Variants in USH2A observed in about 807,000 individuals in gnomAD.
USH2A encodes usherin, also known as Usher syndrome 2A (autosomal recessive, mild).
A neutral mutation model predicts 538.9 loss-of-function variants in USH2A; 443 were observed. The observed-to-expected ratio is 0.82, with a 90% CI of 0.76 to 0.89. The LOEUF (loss-of-function observed/expected upper bound fraction) is 0.89. USH2A is among the 40% of genes least tolerant of loss of function. The pLI, the probability that USH2A is intolerant of heterozygous loss-of-function variation, is 0.00. For missense variants in USH2A, 6,633 were observed against 6,324.8 expected, an observed-to-expected ratio of 1.05 and a Z score of -1.65; for synonymous variants, 2,413 against 2,273.5, an observed-to-expected ratio of 1.06 and a Z score of -1.75.
chr1:215,867,245 T>G (rs1458909055), intron 43 of USH2A, 75 bp from the exon 44 acceptor site: 19 of 1,504,834 alleles, frequency 1.3e-5, no homozygotes, highest in Non-Finnish European at 1.6e-5. Flanking sequence ...TTTCTTTTTT[T>G]CTTCACAAAA....
chr1:215,721,784 C>T (rs1246048288), intron 61 of USH2A, among the ~76,000 whole-genome samples: 1 of 152,102 alleles, frequency 6.6e-6, no homozygotes, highest in Non-Finnish European at 1.5e-5. Context: ...AAAAGTTTTG[C>T]CATGGTCAGT....
chr1:216,190,459 A>C (rs1464080687), intron 19 of USH2A, 92 bp from the exon 20 acceptor site: 14 of 1,526,394 alleles, frequency 9.2e-6, no homozygotes, highest in Non-Finnish European at 1.1e-5. Flanking sequence ...CCATGAATTC[A>C]GACAGAGGGA....
intron 56 of USH2A, among the ~76,000 whole-genome samples, chr1:215,763,788 G>T (rs1236317837): frequency 6.6e-6 from 1 of 152,132 alleles, no homozygotes; most frequent in Non-Finnish European, 1.5e-5. Flanking sequence ...GGAGGATCCA[G>T]AGAACTTCTC....
chr1:215,861,377 A>G (rs1235548895), intron 44 of USH2A, among the ~76,000 whole-genome samples: 1 of 152,268 alleles, frequency 6.6e-6, no homozygotes, highest in Non-Finnish European at 1.5e-5. Context: ...TGAGTTAGTT[A>G]GCGAAGCTGG....
At chr1:216,187,934 A>G (rs953572317) in intron 20 of USH2A, among the ~76,000 whole-genome samples, 1 of 151,994 alleles carries the variant, frequency 6.6e-6, no homozygotes, top group East Asian at 1.9e-4. Flanking sequence ...ATTTTGGCTA[A>G]CCATTTTTTT....
intron 44 of USH2A, among the ~76,000 whole-genome samples, chr1:215,852,694 T>C (rs900621467): frequency 6.6e-6 from 1 of 152,152 alleles, no homozygotes; most frequent in African/African-American, 2.4e-5. Context: ...AATACAGCTG[T>C]TCCAAATGGG....
intron 23 of USH2A, among the ~76,000 whole-genome samples, chr1:216,087,438 C>T (rs1186706170): frequency 6.6e-6 from 1 of 152,054 alleles, no homozygotes; most frequent in Non-Finnish European, 1.5e-5. Context: ...CTGCTTCTCC[C>T]ACAGTCATGC....
chr1:215,878,215 G>C (rs1313053375), intron 42 of USH2A, among the ~76,000 whole-genome samples: 1 of 152,058 alleles, frequency 6.6e-6, no homozygotes, highest in Non-Finnish European at 1.5e-5. Context: ...TCAAGTTAAT[G>C]GTTTCCTATG....
chr1:216,323,782 G>C, intron 7 of USH2A, 87 bp from the exon 8 acceptor site: 1 of 1,222,330 alleles, frequency 8.2e-7, no homozygotes, highest in South Asian at 1.2e-5. Flanking sequence ...TTACTACACA[G>C]TATCAATAAA....
intron 56 of USH2A, 96 bp downstream of exon 56, chr1:215,766,585 G>C (rs1332343436): frequency 1.7e-5 from 19 of 1,150,214 alleles, no homozygotes. Flanking sequence ...CAACTTTATT[G>C]CCTCTTCCTT....
At position 215,758,580 on chromosome 1, in the gene USH2A, C is replaced by CT. The variant is rs79494833; in HGVS notation, c.11389+14dup. The CT allele has an allele frequency of 5.6e-3, 7,303 of 1,314,500 alleles. 1 individual carries two copies. Among genetic ancestry groups the CT allele is most frequent in the African/African-American group, 0.01 (701 of 67,322 alleles). 81.4% of individuals were successfully genotyped at this position (1,314,500 alleles called of 1,614,324 possible). Reference sequence around the variant, plus strand: ...TGTTTACACACACACACACATACTTCTTTTTTTTTTTTACCTGGTGGTATC... The same window carrying CT: ...TGTTTACACACACACACACATACTTCTTTTTTTTTTTTTACCTGGTGGTATC... On this transcript the variant is annotated intron_variant, in intron 58 of 71. Transcript: ENST00000307340.
At chr1:215,657,753 G>A (rs1051990153) in intron 64 of USH2A, among the ~76,000 whole-genome samples, 2 of 152,130 alleles carry the variant, frequency 1.3e-5, no homozygotes, top group African/African-American at 4.8e-5. Flanking sequence ...GAGACGTGAA[G>A]CTACTGGAAA....
rs1657920970 is a variant in USH2A at position 215,674,311 on chromosome 1, C to G, written c.13600G>C (p.Gly4534Arg). 5.0e-6 allele frequency: 8 copies of G among 1,613,786 alleles called. No homozygotes were observed. Among genetic ancestry groups the G allele is most frequent in the Non-Finnish European group, 6.8e-6 (8 of 1,179,942 alleles). Reference protein sequence around the residue: ...KDRTSPSAPSGMEPPKLQARG... With the variant: ...KDRTSPSAPSRMEPPKLQARG... The stretch of plus-strand genomic sequence containing the variant: ...GCCTGCAATTTTGGAGGTTCCATCC[C>G]TGAGGGTGCTGAGGGGCTGGTTCGA... Residue 4534 changes from glycine to arginine, a missense_variant, in exon 63 of 72, where the codon GGG becomes CGG. Transcript: ENST00000307340.
At chr1:215,998,786 CTT>C (rs140899702) in intron 34 of USH2A, 99 bp downstream of exon 34, 554 of 1,087,052 alleles carry the variant, frequency 5.1e-4, no homozygotes, top group African/African-American at 8.0e-4. Context: ...AAGATTTTGA[CTT>C]TTTTTTTTTT....
intron 46 of USH2A, among the ~76,000 whole-genome samples, chr1:215,842,775 A>C (rs1015906465): frequency 7.2e-5 from 11 of 152,196 alleles, no homozygotes; most frequent in Admixed American, 7.2e-4. Context: ...ACACATGGAC[A>C]CAGCGAGGGG....
At chr1:215,838,137 C>T in intron 46 of USH2A, 34 bp from the exon 47 acceptor site, 1 of 1,536,066 alleles carries the variant, frequency 6.5e-7, no homozygotes, top group Non-Finnish European at 9.0e-7. Flanking sequence ...ATAAATGCAA[C>T]CATTTTTGAA....
At position 216,421,938 on chromosome 1, in the gene USH2A, C is replaced by A. The variant is rs1393252237; in HGVS notation, c.399G>T (p.Lys133Asn). ...GAGAAGGAGGAGAAGAAAAGCAGCT[C>A]TTGTGATTTCCAAAAATAAAACTTG... The part of the protein sequence containing the change: ...NSASFIFGNH[K>N]SCFSSPPSPK... The change falls in exon 2 of 72, where the codon AAG becomes AAT. Residue 133 changes from lysine to asparagine, a missense_variant. By Grantham distance (94) the Lys-to-Asn change is moderately conservative. Transcript: ENST00000307340. 6.2e-7 allele frequency: 1 copy of A among 1,613,916 alleles called. No individual in the cohort carries two copies. Among genetic ancestry groups the A allele is most frequent in the South Asian group, 1.1e-5 (1 of 91,084 alleles).
At chr1:215,942,728 C>T (rs368527918) in intron 37 of USH2A, among the ~76,000 whole-genome samples, 1 of 152,284 alleles carries the variant, frequency 6.6e-6, no homozygotes, top group East Asian at 1.9e-4. Flanking sequence ...TAAATTCCTT[C>T]TTAGTATAGC....
At chr1:215,909,993 G>A (rs943167867) in intron 38 of USH2A, among the ~76,000 whole-genome samples, 3 of 151,934 alleles carry the variant, frequency 2.0e-5, no homozygotes, top group Non-Finnish European at 2.9e-5. Context: ...GGGGACTGGA[G>A]TTCATGTGTT....
Sources: gnomAD v4.1 joint callset for allele counts (sites outside exome capture counted in the v4.1 genomes callset) on GRCh38, gnomAD v4.1.1 for gene constraint, MANE v1.5 for transcripts, NCBI Gene and HGNC (gene_info 2026-07-23, HGNC 2026-07-21) for gene names.